Variants in LRP1B observed in about 807,000 individuals in gnomAD.
The protein encoded by LRP1B is low-density lipoprotein receptor-related protein 1B.
Under a neutral mutation model 556.6 loss-of-function variants are expected in LRP1B, and 217 were observed. The ratio of observed to expected loss-of-function variants is 0.39; its 90% CI spans 0.35 to 0.44. The LOEUF is 0.44. LRP1B is among the 20% of genes least tolerant of loss of function. LRP1B has a pLI of 1.00. For missense variants in LRP1B, 5,053 were observed against 5,620.8 expected, an observed-to-expected ratio of 0.90 and a Z score of 3.23; for synonymous variants, 2,047 against 1,865.8, an observed-to-expected ratio of 1.10 and a Z score of -2.50.
chr2:140,555,110 T>C (rs1342072904), intron 43 of LRP1B, among the ~76,000 whole-genome samples: 1 of 151,548 alleles, frequency 6.6e-6, no homozygotes, highest in African/African-American at 2.4e-5. Flanking sequence ...AATATTTTAG[T>C]AGAAAAAGTG....
chr2:141,093,964 G>T (rs774476525), intron 7 of LRP1B, among the ~76,000 whole-genome samples: 1 of 152,000 alleles, frequency 6.6e-6, no homozygotes, highest in Non-Finnish European at 1.5e-5. Flanking sequence ...TGATCCGCCC[G>T]CCTTAGCCTC....
At chr2:140,504,436 G>T (rs72901708) in intron 53 of LRP1B, among the ~76,000 whole-genome samples, 30,480 of 151,990 alleles carry the variant, frequency 0.2, 3,657 homozygotes, top group Non-Finnish European at 0.27. Context: ...ATATTGCCAG[G>T]AAAGCCCTAA....
chr2:141,685,371 C>T (rs750679324), intron 2 of LRP1B, among the ~76,000 whole-genome samples: 56 of 151,904 alleles, frequency 3.7e-4, no homozygotes, highest in African/African-American at 1.2e-3. Context: ...TTGATGATGT[C>T]GTAATTGGAT....
At chr2:141,464,606 A>ATATATATATATATTTTTT in intron 3 of LRP1B, among the ~76,000 whole-genome samples, 1 of 90,560 alleles carries the variant, frequency 1.1e-5, no homozygotes, top group African/African-American at 4.3e-5. Context: ...ATATATATAT[A>ATATATATATATATTTTTT]TTTTTTTAGT....
At chr2:141,376,700 A>C (rs1181857757) in intron 3 of LRP1B, among the ~76,000 whole-genome samples, 1 of 152,354 alleles carries the variant, frequency 6.6e-6, no homozygotes, top group African/African-American at 2.4e-5. Flanking sequence ...TAAAATAAAC[A>C]AATAATTTAA....
At chr2:141,349,915 C>A (rs1688385012) in intron 3 of LRP1B, among the ~76,000 whole-genome samples, 1 of 151,886 alleles carries the variant, frequency 6.6e-6, no homozygotes, top group South Asian at 2.1e-4. Flanking sequence ...AAAGACACAC[C>A]CAAGACTGGA....
intron 41 of LRP1B, among the ~76,000 whole-genome samples, chr2:140,666,617 T>G (rs1306312855): frequency 6.6e-6 from 1 of 152,162 alleles, no homozygotes; most frequent in African/African-American, 2.4e-5. Flanking sequence ...AAAATTCAGT[T>G]AAGCATTCTG....
intron 2 of LRP1B, among the ~76,000 whole-genome samples, chr2:141,738,444 CA>C (rs1172167649): frequency 6.6e-6 from 1 of 152,098 alleles, no homozygotes; most frequent in Non-Finnish European, 1.5e-5. Context: ...AGAATTATGT[CA>C]TTCTCATTAG....
At chr2:140,451,358 A>G (rs994920281) in intron 62 of LRP1B, among the ~76,000 whole-genome samples, 10 of 152,236 alleles carry the variant, frequency 6.6e-5, no homozygotes, top group Admixed American at 6.5e-4. Context: ...AAATTTGGCA[A>G]ACACTAAATA....
At chr2:141,654,828 C>A (rs932055368) in intron 2 of LRP1B, among the ~76,000 whole-genome samples, 1 of 152,106 alleles carries the variant, frequency 6.6e-6, no homozygotes, top group Non-Finnish European at 1.5e-5. Context: ...TTCCCATCTA[C>A]ACACAGCCAG....
At chr2:140,412,333 C>T (rs949516892) in intron 66 of LRP1B, among the ~76,000 whole-genome samples, 1 of 152,032 alleles carries the variant, frequency 6.6e-6, no homozygotes, top group African/African-American at 2.4e-5. Flanking sequence ...TTGTACAGAA[C>T]CATTTGGGTA....
intron 37 of LRP1B, among the ~76,000 whole-genome samples, chr2:140,707,299 T>C (rs1024977716): frequency 2.6e-5 from 4 of 152,164 alleles, no homozygotes; most frequent in African/African-American, 9.6e-5. Context: ...GTAATTCTCT[T>C]ATGTCGGCAG....
chr2:141,673,895 C>T (rs531263172), intron 2 of LRP1B, among the ~76,000 whole-genome samples: 2 of 151,846 alleles, frequency 1.3e-5, no homozygotes, highest in South Asian at 2.1e-4. Context: ...GTATATGGGA[C>T]GACTGAAGCA....
At chr2:141,211,317 C>A (rs1384292668) in intron 6 of LRP1B, among the ~76,000 whole-genome samples, 49 of 140,452 alleles carry the variant, frequency 3.5e-4, no homozygotes, top group East Asian at 2.4e-3. Context: ...AAAAAAAAAA[C>A]AAAACAAAAA....
chr2:141,915,753 C>A (rs1057066278), intron 1 of LRP1B, among the ~76,000 whole-genome samples: 7 of 152,218 alleles, frequency 4.6e-5, no homozygotes, highest in Non-Finnish European at 8.8e-5. Context: ...AAACAAATAA[C>A]CATTCAAAAG....
At chr2:141,821,895 A>C (rs1244454175) in intron 1 of LRP1B, among the ~76,000 whole-genome samples, 2 of 152,160 alleles carry the variant, frequency 1.3e-5, no homozygotes, top group African/African-American at 4.8e-5. Flanking sequence ...TTTCTATCAT[A>C]ATGAACAAAT....
In LRP1B at chr2:140,741,627, C is replaced by T. The variant is rs1473314239; in HGVS notation, c.5759-24811G>A. On this transcript the variant is annotated intron_variant, in intron 35 of 90. Coordinates refer to ENST00000389484, the MANE Select transcript of LRP1B (RefSeq NM_018557.3). The stretch of plus-strand genomic sequence containing the variant: ...CAATAGGTAGATTTTTAATTCTCAC[C>T]GTCCTACCACTCTCCATTCTCAAGT... Among the ~76,000 whole-genome samples, 10 of 152,106 alleles carry T rather than the reference C, an allele frequency of 6.6e-5. 1 individual carries two copies. Among genetic ancestry groups the T allele is most frequent in the Middle Eastern group, 6.8e-3 (2 of 294 alleles).
chr2:141,385,120 A>C (rs1173337623), intron 3 of LRP1B, among the ~76,000 whole-genome samples: 1 of 152,210 alleles, frequency 6.6e-6, no homozygotes, highest in East Asian at 1.9e-4. Flanking sequence ...CACTGCAGCT[A>C]AATTGTATTA....
chr2:140,351,446 C>T (rs997308966), intron 76 of LRP1B, among the ~76,000 whole-genome samples: 8 of 150,910 alleles, frequency 5.3e-5, no homozygotes, highest in Non-Finnish European at 7.4e-5. Flanking sequence ...GTGATCATTA[C>T]TTTAGGCTAA....
Sources: allele counts gnomAD v4.1 joint callset (sites outside exome capture counted in the v4.1 genomes callset), GRCh38; gene constraint gnomAD v4.1.1; transcripts MANE v1.5; gene names NCBI Gene and HGNC (gene_info 2026-07-23, HGNC 2026-07-21).